The following RAB3C variants were observed in gnomAD, a reference collection of about 807,000 sequenced individuals.
RAB3C encodes the protein RAB3C, member RAS oncogene family.
A neutral mutation model predicts 26.4 loss-of-function variants in RAB3C; 17 were observed. That is an observed-to-expected ratio of 0.64 (90% confidence interval 0.44 to 0.97). RAB3C has a LOEUF of 0.97. Ranked by LOEUF, RAB3C falls within the 50% of genes least tolerant of loss-of-function variation. The probability of loss-of-function intolerance (pLI) is 0.00; values close to 1 mark genes in which losing one functional copy is unlikely to be tolerated. For synonymous variants in RAB3C, 91 were observed against 95.9 expected, an observed-to-expected ratio of 0.95 and a Z score of 0.30; for missense variants, 242 against 281.9, an observed-to-expected ratio of 0.86 and a Z score of 1.01.
chr5:58,689,887 G>A (rs1043663621), intron 2 of RAB3C, among the ~76,000 whole-genome samples: 3 of 152,216 alleles, frequency 2.0e-5, no homozygotes, highest in African/African-American at 4.8e-5. Context: ...CTGTACTCCA[G>A]ATCAAATTCT....
intron 3 of RAB3C, among the ~76,000 whole-genome samples, chr5:58,762,346 C>T (rs920645827): frequency 1.1e-4 from 17 of 152,058 alleles, no homozygotes; most frequent in African/African-American, 1.2e-4. Flanking sequence ...TATTTAAAGA[C>T]GTAGTGTATT....
chr5:58,661,432 C>A (rs1400676460), intron 2 of RAB3C, among the ~76,000 whole-genome samples: 1 of 150,002 alleles, frequency 6.7e-6, no homozygotes, highest in Non-Finnish European at 1.5e-5. Flanking sequence ...TGGAACCAAA[C>A]ATTGGCTGCT....
At chr5:58,733,240 T>C (rs1438928428) in intron 3 of RAB3C, among the ~76,000 whole-genome samples, 2 of 152,124 alleles carry the variant, frequency 1.3e-5, no homozygotes, top group Non-Finnish European at 1.5e-5. Context: ...TAAAACTACA[T>C]AGAAAACGCA....
chr5:58,783,931 G>A (rs546022328), intron 3 of RAB3C, among the ~76,000 whole-genome samples: 1 of 152,240 alleles, frequency 6.6e-6, no homozygotes, highest in East Asian at 1.9e-4. Flanking sequence ...AAGTCCGTTG[G>A]GAGACCCAGA....
At chr5:58,678,158 G>A (rs558250140) in intron 2 of RAB3C, among the ~76,000 whole-genome samples, 2 of 152,008 alleles carry the variant, frequency 1.3e-5, no homozygotes, top group Admixed American at 1.3e-4. Flanking sequence ...CAAATTTTAA[G>A]TTTTAGGGAA....
intron 2 of RAB3C, among the ~76,000 whole-genome samples, chr5:58,680,264 A>T (rs1748319460): frequency 6.6e-6 from 1 of 152,194 alleles, no homozygotes; most frequent in South Asian, 2.1e-4. Flanking sequence ...AGATCCTAGA[A>T]TCTGAAAAAA....
At chr5:58,636,438 G>A (rs1192353454) in intron 2 of RAB3C, among the ~76,000 whole-genome samples, 1 of 152,152 alleles carries the variant, frequency 6.6e-6, no homozygotes, top group African/African-American at 2.4e-5. Flanking sequence ...ATGTCCTACT[G>A]TGGATGCCTC....
intron 2 of RAB3C, among the ~76,000 whole-genome samples, chr5:58,625,196 C>T (rs979534462): frequency 1.3e-5 from 2 of 152,082 alleles, no homozygotes; most frequent in Non-Finnish European, 1.5e-5. Flanking sequence ...TCTCGACCAG[C>T]CACTGTGCAT....
intron 3 of RAB3C, among the ~76,000 whole-genome samples, chr5:58,794,716 A>G (rs1215079845): frequency 1.3e-5 from 2 of 152,216 alleles, no homozygotes; most frequent in Admixed American, 1.3e-4. Context: ...TCTCTATGAA[A>G]GTGGTTTTCC....
intron 3 of RAB3C, among the ~76,000 whole-genome samples, chr5:58,776,381 G>A (rs565454157): frequency 1.2e-3 from 182 of 151,976 alleles, no homozygotes; most frequent in African/African-American, 4.2e-3. Context: ...CTGCCTTTAT[G>A]TTCTCATCTG....
intron 3 of RAB3C, among the ~76,000 whole-genome samples, chr5:58,747,543 A>G (rs189499049): frequency 1.3e-5 from 2 of 152,218 alleles, no homozygotes; most frequent in Admixed American, 6.5e-5. Flanking sequence ...ACAGATGGTA[A>G]CCAAAAACAT....
At chr5:58,825,252 GT>G in intron 4 of RAB3C, 90 bp downstream of exon 4, 2 of 1,295,394 alleles carry the variant, frequency 1.5e-6, no homozygotes, top group Non-Finnish European at 2.0e-6. Flanking sequence ...TCAGGGTGGA[GT>G]TAATGAAATG....
At position 58,631,795 on chromosome 5, in the gene RAB3C, C is replaced by G. The variant is rs2111749808; in HGVS notation, c.252+13925C>G. On this transcript the variant is annotated intron_variant, in intron 2 of 4. Coordinates refer to ENST00000282878, the MANE Select transcript of RAB3C (RefSeq NM_138453.4). The stretch of plus-strand genomic sequence containing the variant: ...TTAACCTTCAGGTTAAGACAAAACT[C>G]AGAATATTTTATCTCTACCACTTAA... Among the ~76,000 whole-genome samples, 3 of 152,276 alleles carry G rather than the reference C, an allele frequency of 2.0e-5. 1 individual carries two copies. Among genetic ancestry groups the G allele is most frequent in the Admixed American group, 2.0e-4 (3 of 15,290 alleles).
At chr5:58,583,272 AAG>A (rs755071418) in intron 1 of RAB3C, 40 bp downstream of exon 1, 1 of 1,613,664 alleles carries the variant, frequency 6.2e-7, no homozygotes, top group South Asian at 1.1e-5. Context: ...GAGGAATTGA[AAG>A]AGATGCTTTT....
At chr5:58,599,095 A>G (rs2591919) in intron 1 of RAB3C, among the ~76,000 whole-genome samples, 18,735 of 152,202 alleles carry the variant, frequency 0.12, 1,505 homozygotes, top group South Asian at 0.23. Context: ...GTAGCAAAGG[A>G]GCAAATAGCA....
At chr5:58,748,739 T>A (rs1425392874) in intron 3 of RAB3C, among the ~76,000 whole-genome samples, 1 of 152,182 alleles carries the variant, frequency 6.6e-6, no homozygotes, top group African/African-American at 2.4e-5. Context: ...GGTAGAGATG[T>A]CTAACTGTCC....
rs145820779 is a variant in RAB3C, at chr5:58,637,169, C to T, written c.252+19299C>T. On this transcript the variant is annotated intron_variant, in intron 2 of 4. Transcript: ENST00000282878. Reference sequence around the variant, plus strand: ...TTCCAATTCCCCATCCCTGATGTCACAAAAGTGTCATATTTGGAAAACCAA... The same window carrying T: ...TTCCAATTCCCCATCCCTGATGTCATAAAAGTGTCATATTTGGAAAACCAA... Among the ~76,000 whole-genome samples the T allele has an allele frequency of 3.3e-4, 49 of 149,002 alleles. 1 individual carries two copies. In the East Asian group the frequency reaches 7.8e-3, roughly 24 times the overall value.
chr5:58,822,742 C>T (rs560907400), intron 3 of RAB3C: 59 of 513,828 alleles, frequency 1.1e-4, no homozygotes, highest in African/African-American at 1.1e-3. Flanking sequence ...AGCATATGTA[C>T]ATGGTACATG....
chr5:58,708,915 T>C (rs1749005012), intron 2 of RAB3C, among the ~76,000 whole-genome samples: 2 of 152,222 alleles, frequency 1.3e-5, no homozygotes, highest in Non-Finnish European at 2.9e-5. Context: ...AACAATAACA[T>C]TCTTAGTCCT....
Sources: allele counts gnomAD v4.1 joint callset (sites outside exome capture counted in the v4.1 genomes callset), GRCh38; gene constraint gnomAD v4.1.1; transcripts MANE v1.5; gene names NCBI Gene and HGNC (gene_info 2026-07-23, HGNC 2026-07-21).